TLK1: variants seen among roughly 807,000 people sequenced by gnomAD.
The protein encoded by TLK1 is serine/threonine-protein kinase tousled-like 1.
A neutral mutation model predicts 105.3 loss-of-function variants in TLK1; 24 were observed. That is an observed-to-expected ratio of 0.23 (90% confidence interval 0.17 to 0.32). The LOEUF is 0.32. TLK1 is among the 10% of genes least tolerant of loss of function. The pLI is 1.00. For synonymous variants in TLK1, 321 were observed against 310.4 expected, an observed-to-expected ratio of 1.03 and a Z score of -0.36; for missense variants, 558 against 910.5, an observed-to-expected ratio of 0.61 and a Z score of 4.98.
intron 8 of TLK1, among the ~76,000 whole-genome samples, chr2:171,051,399 C>T (rs1050845350): frequency 5.9e-5 from 9 of 152,000 alleles, no homozygotes; most frequent in African/African-American, 2.2e-4. Context: ...TAATGAGATG[C>T]AAGCAGAAGT....
At chr2:171,107,638 ATGTCT>A (rs1293322704) in intron 2 of TLK1, among the ~76,000 whole-genome samples, 1 of 152,222 alleles carries the variant, frequency 6.6e-6, no homozygotes, top group East Asian at 1.9e-4. Flanking sequence ...GAAGCCAGAA[ATGTCT>A]TGTGTCTGAA....
At chr2:171,040,412 C>G (rs1204914137) in intron 11 of TLK1, among the ~76,000 whole-genome samples, 2 of 152,088 alleles carry the variant, frequency 1.3e-5, no homozygotes, top group African/African-American at 4.8e-5. Context: ...AGAATGTATC[C>G]GTGTGGGGAC....
At chr2:171,006,330 A>C (rs922614223) in intron 17 of TLK1, 48 bp from the exon 18 acceptor site, 1 of 1,502,078 alleles carries the variant, frequency 6.7e-7, no homozygotes, top group Non-Finnish European at 8.9e-7. Flanking sequence ...CATGAAAAAC[A>C]TAACTTTAAT....
chr2:171,094,135 T>A (rs1689354711), intron 2 of TLK1, among the ~76,000 whole-genome samples: 1 of 151,732 alleles, frequency 6.6e-6, no homozygotes, highest in Non-Finnish European at 1.5e-5. Flanking sequence ...ATAAGTATAT[T>A]ATTTGAATTT....
chr2:171,099,165 T>C (rs943986005), intron 2 of TLK1, among the ~76,000 whole-genome samples: 1 of 152,058 alleles, frequency 6.6e-6, no homozygotes, highest in East Asian at 1.9e-4. Flanking sequence ...TTCAGAAAGG[T>C]TGCAAGACAC....
At chr2:171,223,703 C>T (rs1029116150) in intron 1 of TLK1, among the ~76,000 whole-genome samples, 1 of 151,972 alleles carries the variant, frequency 6.6e-6, no homozygotes, top group East Asian at 1.9e-4. Context: ...TGGTCTTGAA[C>T]TTCTGACCTC....
chr2:171,178,712 C>A (rs1413744981), intron 1 of TLK1, among the ~76,000 whole-genome samples: 3 of 152,162 alleles, frequency 2.0e-5, no homozygotes, highest in Non-Finnish European at 4.4e-5. Flanking sequence ...TAAATAGAGT[C>A]AAACAAAGCT....
In TLK1 at chr2:171,148,909, A is replaced by G. The variant is rs1348411438; in HGVS notation, c.139+11381T>C. ...AAAAAAAATATATATATATATATAT[A>G]TATGTGTGTGTGTGTGTGCGTGTGC... is the stretch of plus-strand genomic sequence containing the variant. On this transcript the variant is annotated intron_variant, in intron 1 of 20. Transcript: ENST00000431350. Among the ~76,000 whole-genome samples, 12 of 141,108 alleles carry G rather than the reference A, an allele frequency of 8.5e-5. 1 individual carries two copies. The East Asian group carries it at 1.1e-3, about 13-fold the overall frequency. 92.6% of individuals were successfully genotyped at this position (141,108 alleles called of 152,430 possible).
At chr2:171,153,516 T>C (rs765177227) in intron 1 of TLK1, among the ~76,000 whole-genome samples, 3 of 152,324 alleles carry the variant, frequency 2.0e-5, no homozygotes, top group Middle Eastern at 3.4e-3. Flanking sequence ...GTAGAGGATG[T>C]CCTCCTGTGC....
chr2:171,063,362 C>T (rs1687845461), intron 3 of TLK1, among the ~76,000 whole-genome samples: 1 of 151,806 alleles, frequency 6.6e-6, no homozygotes. Context: ...AAAAGAACCC[C>T]AAGTCTACGT....
intron 1 of TLK1, among the ~76,000 whole-genome samples, chr2:171,120,154 C>G (rs1310573516): frequency 1.4e-5 from 2 of 144,360 alleles, no homozygotes; most frequent in African/African-American, 2.6e-5. Flanking sequence ...GAGGCTGAGG[C>G]AAGAGAATCA....
At chr2:171,080,050 G>A (rs111625370) in intron 3 of TLK1, among the ~76,000 whole-genome samples, 1 of 151,790 alleles carries the variant, frequency 6.6e-6, no homozygotes, top group Non-Finnish European at 1.5e-5. Context: ...GTAATAAACT[G>A]TCTGGGCACG....
At chr2:171,195,174 A>T (rs1367383256) in intron 1 of TLK1, among the ~76,000 whole-genome samples, 1 of 152,202 alleles carries the variant, frequency 6.6e-6, no homozygotes, top group African/African-American at 2.4e-5. Context: ...TTTCCTGACA[A>T]GATGTCAGAC....
intron 13 of TLK1, among the ~76,000 whole-genome samples, 162 bp downstream of exon 13, chr2:171,014,689 C>A (rs915025148): frequency 8.6e-5 from 13 of 151,834 alleles, no homozygotes; most frequent in African/African-American, 3.1e-4. Flanking sequence ...AGTAAGGTGG[C>A]CAGGGACCAA....
intron 1 of TLK1, among the ~76,000 whole-genome samples, chr2:171,145,849 T>A (rs1409058976): frequency 2.0e-5 from 3 of 152,142 alleles, no homozygotes; most frequent in African/African-American, 4.8e-5. Flanking sequence ...GATCCATTTA[T>A]ATCAAACTCA....
chr2:171,174,398 T>C (rs1692782735), intron 1 of TLK1, among the ~76,000 whole-genome samples: 1 of 152,194 alleles, frequency 6.6e-6, no homozygotes, highest in Non-Finnish European at 1.5e-5. Context: ...GGGAATCACA[T>C]TGTTATATGA....
intron 13 of TLK1, among the ~76,000 whole-genome samples, chr2:171,012,382 C>G (rs1485756349): frequency 6.6e-6 from 1 of 151,968 alleles, no homozygotes; most frequent in Non-Finnish European, 1.5e-5. Context: ...TGCTTAACAG[C>G]TAATAAAAGG....
At chr2:171,051,011 A>G (rs1354875107) in intron 8 of TLK1, among the ~76,000 whole-genome samples, 2 of 152,238 alleles carry the variant, frequency 1.3e-5, no homozygotes, top group African/African-American at 4.8e-5. Flanking sequence ...CAAAATCTTA[A>G]AAGTGCTGAG....
chr2:171,116,909 C>A (rs962115953), intron 2 of TLK1, among the ~76,000 whole-genome samples: 5 of 152,078 alleles, frequency 3.3e-5, no homozygotes, highest in African/African-American at 1.2e-4. Context: ...TCTATACATA[C>A]CCTATGATCT....
Sources: gnomAD v4.1 joint callset for allele counts (sites outside exome capture counted in the v4.1 genomes callset) on GRCh38, gnomAD v4.1.1 for gene constraint, MANE v1.5 for transcripts, NCBI Gene and HGNC (gene_info 2026-07-23, HGNC 2026-07-21) for gene names.